Variants in GALNT17 observed in about 807,000 individuals in gnomAD.
The protein encoded by GALNT17 is polypeptide N-acetylgalactosaminyltransferase 17, also known as UDP-GalNAc:polypeptide N-acetylgalactosaminyltransferase-like 3.
In GALNT17, 29 loss-of-function variants were observed where a neutral mutation model predicts 63.7. That is an observed-to-expected ratio of 0.46 (90% confidence interval 0.34 to 0.62). The LOEUF (loss-of-function observed/expected upper bound fraction) is 0.62. Ranked by LOEUF, GALNT17 falls within the 20% of genes least tolerant of loss-of-function variation. The pLI, the probability that GALNT17 is intolerant of heterozygous loss-of-function variation, is 0.01. For missense variants in GALNT17, 603 were observed against 799.6 expected (o/e 0.75, Z 2.97); for synonymous variants, 305 against 318.3 (o/e 0.96, Z 0.45).
intron 1 of GALNT17, among the ~76,000 whole-genome samples, chr7:71,172,771 T>G (rs1788568805): frequency 6.6e-6 from 1 of 152,238 alleles, no homozygotes; most frequent in South Asian, 2.1e-4. Flanking sequence ...CCAGGATTTC[T>G]TAATAAATGA....
chr7:71,448,534 G>A (rs1228352694), intron 5 of GALNT17, among the ~76,000 whole-genome samples: 1 of 151,670 alleles, frequency 6.6e-6, no homozygotes, highest in African/African-American at 2.4e-5. Context: ...TAAATTTTCT[G>A]TTTCTGCTTT....
intron 2 of GALNT17, among the ~76,000 whole-genome samples, chr7:71,375,973 G>A (rs1008193134): frequency 5.9e-5 from 9 of 152,088 alleles, no homozygotes; most frequent in South Asian, 2.1e-4. Flanking sequence ...GCTACTTGAC[G>A]GGGGCTGAGG....
At chr7:71,442,224 TCTCACTCTGTCACCCAG>T (rs2116520908) in intron 5 of GALNT17, among the ~76,000 whole-genome samples, 1 of 152,036 alleles carries the variant, frequency 6.6e-6, no homozygotes, top group Non-Finnish European at 1.5e-5. Context: ...TGAGATGGAG[TCTCACTCTGTCACCCAG>T]GCTGGAGTGC....
intron 5 of GALNT17, among the ~76,000 whole-genome samples, chr7:71,499,420 A>G (rs1788145806): frequency 6.6e-6 from 1 of 152,202 alleles, no homozygotes; most frequent in Non-Finnish European, 1.5e-5. Flanking sequence ...ATAAAATCAC[A>G]TTTCTAATCT....
chr7:71,354,954 A>G (rs1792258109), intron 2 of GALNT17, among the ~76,000 whole-genome samples: 1 of 152,206 alleles, frequency 6.6e-6, no homozygotes, highest in Non-Finnish European at 1.5e-5. Context: ...ATTATCCATT[A>G]CATCTAGGCT....
At chr7:71,144,821 T>C (rs1787984105) in intron 1 of GALNT17, among the ~76,000 whole-genome samples, 1 of 152,106 alleles carries the variant, frequency 6.6e-6, no homozygotes, top group African/African-American at 2.4e-5. Context: ...CTCTGCCTCC[T>C]GGACTCAAGC....
chr7:71,178,365 GA>G (rs1159617011), intron 1 of GALNT17, among the ~76,000 whole-genome samples: 1 of 152,022 alleles, frequency 6.6e-6, no homozygotes, highest in Non-Finnish European at 1.5e-5. Context: ...AGTTTTCCTA[GA>G]GGTAGTTTTC....
chr7:71,198,197 CA>C (rs755388218), intron 1 of GALNT17, among the ~76,000 whole-genome samples: 22,494 of 77,132 alleles, frequency 0.29, 1,807 homozygotes, highest in African/African-American at 0.4. Flanking sequence ...GACTCTGTCT[CA>C]AAAAAAAAAA....
chr7:71,681,818 G>A lies in GALNT17; in HGVS notation c.1500+4512G>A, dbSNP rs115522122. ...ACTTGTCCTATGAATGTGGAACAAAGTAAAGATGGTCTGATCCCATAGCTT... is the reference window on the plus strand; with the variant it reads ...ACTTGTCCTATGAATGTGGAACAAAATAAAGATGGTCTGATCCCATAGCTT... On this transcript the variant is annotated intron_variant, in intron 9 of 10. Transcript: ENST00000333538. Among the ~76,000 whole-genome samples, 1,503 of 152,344 alleles carry A rather than the reference G, an allele frequency of 9.9e-3. 33 individuals are homozygous for A. Among genetic ancestry groups the A allele is most frequent in the Admixed American group, 0.031 (481 of 15,288 alleles).
chr7:71,449,802 G>A (rs891333358), intron 5 of GALNT17, among the ~76,000 whole-genome samples: 3 of 152,012 alleles, frequency 2.0e-5, no homozygotes, highest in South Asian at 2.1e-4. Context: ...AGCACTTTGG[G>A]AGGCTGAGGC....
rs1378375500 is a variant in GALNT17 at position 71,377,111 on chromosome 7, A to AAT, written c.423-11123_423-11122insTA. ...AAAAAAAAAAAAAAATAAAAATAAA[A>AAT]AAAATATATATATATATATATATAT... On this transcript the variant is annotated intron_variant, in intron 2 of 10. Transcript: ENST00000333538. Among the ~76,000 whole-genome samples the AAT allele has an allele frequency of 4.8e-4, 38 of 78,772 alleles. 5 individuals carry two copies. Among genetic ancestry groups the AAT allele is most frequent in the African/African-American group, 1.6e-3 (29 of 18,158 alleles). The allele number at this position is 78,772 out of a possible 152,430, so 51.7% of individuals were successfully genotyped here.
chr7:71,590,908 C>T (rs1044734006), intron 6 of GALNT17, among the ~76,000 whole-genome samples: 4 of 151,822 alleles, frequency 2.6e-5, no homozygotes, highest in South Asian at 4.1e-4. Context: ...TACAGGTGCC[C>T]GCCACCAAGC....
intron 1 of GALNT17, among the ~76,000 whole-genome samples, chr7:71,174,682 A>G (rs1238404385): frequency 1.3e-5 from 2 of 152,062 alleles, no homozygotes; most frequent in Non-Finnish European, 2.9e-5. Flanking sequence ...ATTACAAAGA[A>G]CCTTCTTAAG....
intron 6 of GALNT17, among the ~76,000 whole-genome samples, chr7:71,621,501 A>ATG (rs1790289639): frequency 1.6e-4 from 7 of 42,552 alleles, no homozygotes; most frequent in African/African-American, 2.3e-4. Context: ...ATTGATGGAT[A>ATG]GATGGATGGA....
intron 6 of GALNT17, among the ~76,000 whole-genome samples, chr7:71,587,217 G>C (rs766884505): frequency 2.6e-5 from 4 of 151,982 alleles, no homozygotes; most frequent in Non-Finnish European, 5.9e-5. Flanking sequence ...TAGTAGACAT[G>C]GGGTTTCACC....
intron 2 of GALNT17, among the ~76,000 whole-genome samples, chr7:71,360,817 A>C (rs1792385338): frequency 6.6e-6 from 1 of 152,086 alleles, no homozygotes; most frequent in South Asian, 2.1e-4. Context: ...GGGTCCCTGT[A>C]ATCCCAGCTA....
intron 7 of GALNT17, among the ~76,000 whole-genome samples, chr7:71,668,516 C>CAAAAAAAAAAAA (rs56329930): frequency 1.3e-4 from 8 of 62,930 alleles, no homozygotes; most frequent in African/African-American, 2.0e-4. Context: ...GACACCATCT[C>CAAAAAAAAAAAA]AAAAAAAAAA....
chr7:71,580,567 A>T (rs961658529), intron 6 of GALNT17, among the ~76,000 whole-genome samples: 2 of 152,160 alleles, frequency 1.3e-5, no homozygotes, highest in African/African-American at 4.8e-5. Flanking sequence ...TGGAAAATAG[A>T]TGATAAAGCT....
rs117348895 is a variant in GALNT17 at position 71,623,093 on chromosome 7, A to G, written c.1081-42318A>G. The stretch of plus-strand genomic sequence containing the variant: ...TGAACCTTATCCCCGCTTTCAGACT[A>G]TGAGCTCCTAAGTTCCCTGAGAGAG... On this transcript the variant is annotated intron_variant, in intron 6 of 10. Transcript: ENST00000333538. Among the ~76,000 whole-genome samples, 151 of 152,198 alleles carry G rather than the reference A, an allele frequency of 9.9e-4. 4 individuals carry two copies. In the East Asian group the frequency reaches 0.024, roughly 25 times the overall value.
Sources: gnomAD v4.1 joint callset for allele counts (sites outside exome capture counted in the v4.1 genomes callset) on GRCh38, gnomAD v4.1.1 for gene constraint, MANE v1.5 for transcripts, NCBI Gene and HGNC (gene_info 2026-07-23, HGNC 2026-07-21) for gene names.